Variants in RGPD2 observed in about 807,000 individuals in gnomAD.
RGPD2 encodes the protein RANBP2-like and GRIP domain-containing protein 2.
RGPD2 carries 2 observed loss-of-function variants against 36.0 expected under a neutral mutation model. The ratio of observed to expected loss-of-function variants is 0.06; its 90% CI spans 0.02 to 0.17. The LOEUF is 0.17. Among genes scored for constraint, RGPD2 ranks in the 10% least tolerant of loss-of-function variants. The pLI, the probability that RGPD2 is intolerant of heterozygous loss-of-function variation, is 1.00. For synonymous variants in RGPD2, 19 were observed against 163.8 expected (o/e 0.12, Z 6.75); for missense variants, 40 against 464.3 (o/e 0.09, Z 8.40).
At chr2:87,943,589 T>C in the RGPD2 span, among the ~76,000 whole-genome samples, 2,885 of 151,870 alleles carry the variant, frequency 0.019, 112 homozygotes, top group African/African-American at 0.066. Flanking sequence ...TTCTTCAGAT[T>C]GTCTCTTTAC....
At chr2:87,886,337 T>A in the RGPD2 span, among the ~76,000 whole-genome samples, 1 of 151,872 alleles carries the variant, frequency 6.6e-6, no homozygotes, top group East Asian at 1.9e-4. Context: ...CCTGCCCCTT[T>A]ATCTTCCTTT....
the RGPD2 span, among the ~76,000 whole-genome samples, chr2:87,921,894 G>C: frequency 6.6e-6 from 1 of 151,932 alleles, no homozygotes; most frequent in Non-Finnish European, 1.5e-5. Context: ...ATATTGCCTT[G>C]GTGTTTGATT....
chr2:87,883,020 C>A, the RGPD2 span, among the ~76,000 whole-genome samples: 4 of 151,938 alleles, frequency 2.6e-5, no homozygotes, highest in Non-Finnish European at 4.4e-5. Flanking sequence ...CATACATTGA[C>A]AAATCCGAAA....
the RGPD2 span, among the ~76,000 whole-genome samples, chr2:87,870,022 C>T: frequency 2.6e-5 from 4 of 152,200 alleles, no homozygotes; most frequent in Admixed American, 6.5e-5. Context: ...TTTGAACTCT[C>T]GTCTTTTCTA....
the RGPD2 span, among the ~76,000 whole-genome samples, chr2:87,978,292 G>A: frequency 1.3e-5 from 2 of 148,800 alleles, no homozygotes; most frequent in Non-Finnish European, 3.0e-5. Flanking sequence ...TAATTTACAA[G>A]TTGATAAAGA....
intron 4 of RGPD2, among the ~76,000 whole-genome samples, chr2:87,815,232 T>A (rs1256448107): frequency 7.4e-6 from 1 of 134,858 alleles, no homozygotes; most frequent in East Asian, 2.2e-4. Flanking sequence ...GTATCCCCTA[T>A]CCAAAATGCT....
At chr2:87,922,317 C>CA in the RGPD2 span, among the ~76,000 whole-genome samples, 1 of 142,422 alleles carries the variant, frequency 7.0e-6, no homozygotes. Context: ...AAAAAAAAAC[C>CA]AAAAAAGTAA....
chr2:87,973,681 A>C, the RGPD2 span, among the ~76,000 whole-genome samples: 52 of 112,164 alleles, frequency 4.6e-4, no homozygotes, highest in African/African-American at 1.7e-3. Context: ...CATTAAAGAG[A>C]CGTGAACCAG....
the RGPD2 span, among the ~76,000 whole-genome samples, chr2:87,877,328 T>C: frequency 0.19 from 27,465 of 146,336 alleles, no homozygotes; most frequent in African/African-American, 0.32. Flanking sequence ...TGTGTTTTTG[T>C]AGTGTTTGGT....
the RGPD2 span, among the ~76,000 whole-genome samples, chr2:87,864,934 G>A: frequency 6.6e-6 from 1 of 152,134 alleles, no homozygotes; most frequent in South Asian, 2.1e-4. Context: ...AGAATCTTTA[G>A]ACTTTGATGA....
the RGPD2 span, among the ~76,000 whole-genome samples, chr2:87,910,520 C>T: frequency 6.6e-6 from 1 of 152,260 alleles, no homozygotes. Context: ...AATTATTTTT[C>T]TTTCACTGTT....
intron 6 of RGPD2, among the ~76,000 whole-genome samples, chr2:87,807,383 T>TG (rs1409994203): frequency 8.0e-6 from 1 of 124,658 alleles, no homozygotes; most frequent in Non-Finnish European, 1.6e-5. Context: ...TTAAATTGTT[T>TG]TTTTTTTTTT....
the RGPD2 span, among the ~76,000 whole-genome samples, chr2:87,957,669 A>AT: frequency 1.3e-5 from 2 of 152,260 alleles, no homozygotes; most frequent in Admixed American, 1.3e-4. Flanking sequence ...TGGATATTGG[A>AT]TTTTAACATA....
At chr2:87,975,970 GTAATGAATGAAATTTTA>G in the RGPD2 span, among the ~76,000 whole-genome samples, 2 of 151,824 alleles carry the variant, frequency 1.3e-5, no homozygotes, top group African/African-American at 4.8e-5. Flanking sequence ...GAATGAAAAT[GTAATGAATGAAATTTTA>G]TAATGAATGA....
chr2:87,864,232 C>T, the RGPD2 span, among the ~76,000 whole-genome samples: 1 of 152,188 alleles, frequency 6.6e-6, no homozygotes, highest in Non-Finnish European at 1.5e-5. Flanking sequence ...CTGTTGAGGG[C>T]CTGAATAAAA....
the RGPD2 span, among the ~76,000 whole-genome samples, chr2:87,875,641 G>C: frequency 2.0e-5 from 3 of 152,224 alleles, no homozygotes; most frequent in Admixed American, 6.5e-5. Flanking sequence ...TTTATATCAA[G>C]GTTCATCAAA....
chr2:87,985,832 G>A, the RGPD2 span: 2 of 1,611,060 alleles, frequency 1.2e-6, no homozygotes, highest in South Asian at 2.2e-5. Context: ...CTGGAGCACT[G>A]TGGACATTGT....
the RGPD2 span, among the ~76,000 whole-genome samples, chr2:87,930,353 C>T: frequency 1.1e-4 from 17 of 150,634 alleles, no homozygotes; most frequent in African/African-American, 3.9e-4. Flanking sequence ...TAGTTCTGTT[C>T]ATGTGATGAA....
chr2:87,876,549 T>C, the RGPD2 span, among the ~76,000 whole-genome samples: 1 of 152,308 alleles, frequency 6.6e-6, no homozygotes, highest in Non-Finnish European at 1.5e-5. Context: ...TGAGTTCATT[T>C]CTTAATTTTA....
Sources: allele counts gnomAD v4.1 joint callset (sites outside exome capture counted in the v4.1 genomes callset), GRCh38; gene constraint gnomAD v4.1.1; transcripts MANE v1.5; gene names NCBI Gene and HGNC (gene_info 2026-07-23, HGNC 2026-07-21).